CABP5: variants seen among roughly 807,000 people sequenced by gnomAD.
CABP5 encodes calcium binding protein 5.
A neutral mutation model predicts 21.9 loss-of-function variants in CABP5; 17 were observed. That is an observed-to-expected ratio of 0.78 (90% confidence interval 0.53 to 1.17). CABP5 has a LOEUF of 1.17. Ranked by LOEUF, CABP5 falls within the 50% of genes most tolerant of loss-of-function variation. The pLI is 0.00. For missense variants in CABP5, 229 were observed against 228.9 expected (o/e 1.00, Z 0.00); for synonymous variants, 85 against 79.4 (o/e 1.07, Z -0.37).
At position 48,030,577 on chromosome 19, in the gene CABP5, C is replaced by G. The variant is rs1967327915; in HGVS notation, c.502G>C (p.Val168Leu). The G allele has an allele frequency of 6.2e-7, 1 of 1,610,998 alleles. No homozygotes were observed. Among genetic ancestry groups the G allele is most frequent in the African/African-American group, 1.4e-5 (1 of 73,234 alleles). Reference protein sequence around the residue: ...GDGTVDFEEFVKMMSR With the variant: ...GDGTVDFEEFLKMMSR ...CCTCCTCAGCGAGACATCATCTTCACAAACTCTGCAAAGAAAAAAAAAAAT... is the reference window on the plus strand; with the variant it reads ...CCTCCTCAGCGAGACATCATCTTCAGAAACTCTGCAAAGAAAAAAAAAAAT... The change falls in exon 6 of 6, where the codon GTG becomes CTG. Residue 168 changes from valine to leucine, a missense_variant. Coordinates refer to ENST00000293255, the MANE Select transcript of CABP5 (RefSeq NM_019855.5).
At chr19:48,037,357 CTCCCGGGT>C (rs1967424213) in intron 4 of CABP5, among the ~76,000 whole-genome samples, 1 of 141,376 alleles carries the variant, frequency 7.1e-6, no homozygotes, top group South Asian at 2.3e-4. Context: ...CAACCTCTGC[CTCCCGGGT>C]TCAAGCGATT....
intron 2 of CABP5, among the ~76,000 whole-genome samples, 183 bp from the exon 3 acceptor site, chr19:48,040,931 C>G (rs527498871): frequency 1.0e-3 from 159 of 152,194 alleles, no homozygotes; most frequent in African/African-American, 3.7e-3. Context: ...AATCCCAGCA[C>G]TTTGGGAGGT....
intron 4 of CABP5, 81 bp from the exon 5 acceptor site, chr19:48,034,443 T>C: frequency 8.7e-7 from 1 of 1,144,096 alleles, no homozygotes; most frequent in Non-Finnish European, 1.2e-6. Context: ...TATCGCTTAC[T>C]GTGGGTCAAG....
At chr19:48,036,621 T>C (rs1470540513) in intron 4 of CABP5, among the ~76,000 whole-genome samples, 1 of 152,230 alleles carries the variant, frequency 6.6e-6, no homozygotes, top group African/African-American at 2.4e-5. Context: ...TTAATAATAC[T>C]GCATAATGAC....
chr19:48,031,989 A>C (rs780823594), intron 5 of CABP5, among the ~76,000 whole-genome samples: 5 of 151,568 alleles, frequency 3.3e-5, no homozygotes, highest in Non-Finnish European at 5.9e-5. Flanking sequence ...TTGGAAGCTA[A>C]TACAACTCAA....
At chr19:48,035,698 G>T (rs182528140) in intron 4 of CABP5, among the ~76,000 whole-genome samples, 1 of 152,264 alleles carries the variant, frequency 6.6e-6, no homozygotes, top group African/African-American at 2.4e-5. Flanking sequence ...AACAAGTGCC[G>T]TAAGGCAGGA....
At chr19:48,037,149 C>T (rs1339849046) in intron 4 of CABP5, among the ~76,000 whole-genome samples, 1 of 151,490 alleles carries the variant, frequency 6.6e-6, no homozygotes, top group Non-Finnish European at 1.5e-5. Context: ...CTCCCCTGCT[C>T]ATGGCAGCAC....
intron 4 of CABP5, 152 bp from the exon 5 acceptor site, chr19:48,034,514 T>TGTTCTG (rs1967382657): frequency 2.2e-6 from 1 of 456,208 alleles, no homozygotes; most frequent in Non-Finnish European, 3.6e-6. Flanking sequence ...AAGACAGTTT[T>TGTTCTG]GTTCTGTTTT....
chr19:48,030,225 G>A lies in CABP5; in HGVS notation c.*332C>T, dbSNP rs1047755899. 3.1e-5 allele frequency: 9 copies of A among 291,872 alleles called. No homozygotes were observed. Among genetic ancestry groups the A allele is most frequent in the Non-Finnish European group, 5.0e-5 (8 of 158,742 alleles). The allele number at this position is 291,872 out of a possible 1,614,324, so 18.1% of individuals were successfully genotyped here. A position where few individuals can be genotyped will look rare whatever the true frequency, so the allele number is the denominator to read the frequency against. On this transcript the variant is annotated 3_prime_UTR_variant, in exon 6 of 6. Coordinates refer to ENST00000293255, the MANE Select transcript of CABP5 (RefSeq NM_019855.5). ...TCACCCAAGGGGAAGCTGGGGAAGA[G>A]ACTCTGGCAGGTCACAGGGACTTAG...
chr19:48,041,789 C>T lies in CABP5; in HGVS notation c.64-186G>A, dbSNP rs1340289593. ...CTGTTCCACAGTTCTTGGCTCCCCA[C>T]CCCCCTCTCGATGTCTCTCTCCCAC... On this transcript the variant is annotated intron_variant, in intron 1 of 5. Coordinates refer to ENST00000293255, the MANE Select transcript of CABP5 (RefSeq NM_019855.5). Among the ~76,000 whole-genome samples the T allele has an allele frequency of 2.0e-5, 3 of 152,014 alleles. No individual in the cohort carries two copies. The East Asian group carries it at 5.8e-4, about 29-fold the overall frequency.
In CABP5 at chr19:48,039,403, G is replaced by A; in HGVS notation, c.239-86C>T. On this transcript the variant is annotated intron_variant, in intron 3 of 5. Coordinates refer to ENST00000293255, the MANE Select transcript of CABP5 (RefSeq NM_019855.5). ...TTTGTGCTTCGAGTCAGTTAGATCA[G>A]CTCCCTTCTCCCTGCCCTATAAGAG... is the stretch of plus-strand genomic sequence containing the variant. 9.0e-6 allele frequency: 9 copies of A among 1,000,246 alleles called. No individual in the cohort carries two copies. In the South Asian group the frequency reaches 1.2e-4, roughly 13 times the overall value. The allele number at this position is 1,000,246 out of a possible 1,614,324, so 62.0% of individuals were successfully genotyped here.
At chr19:48,041,286 G>A in intron 2 of CABP5, 2 of 468,660 alleles carry the variant, frequency 4.3e-6, no homozygotes, top group Non-Finnish European at 7.5e-6. Context: ...GCGTCCTTCA[G>A]ATTCCTGGAT....
At chr19:48,040,999 G>A (rs78381043) in intron 2 of CABP5, among the ~76,000 whole-genome samples, 14,390 of 141,026 alleles carry the variant, frequency 0.1, 695 homozygotes, top group South Asian at 0.15. Context: ...CAACATGGCA[G>A]AACCCCATCT....
At chr19:48,031,108 T>A (rs980180837) in intron 5 of CABP5, among the ~76,000 whole-genome samples, 28 of 152,200 alleles carry the variant, frequency 1.8e-4, no homozygotes, top group Non-Finnish European at 8.8e-5. Flanking sequence ...GTTTCTTCAT[T>A]TCTGTTATGA....
chr19:48,034,878 A>G (rs765148582), intron 4 of CABP5, among the ~76,000 whole-genome samples: 1 of 151,860 alleles, frequency 6.6e-6, no homozygotes, highest in East Asian at 1.9e-4. Flanking sequence ...GGGTCTCACT[A>G]TTTTGGCCAG....
At chr19:48,040,468 A>T in intron 3 of CABP5, 137 bp downstream of exon 3, 6 of 817,340 alleles carry the variant, frequency 7.3e-6, no homozygotes, top group Non-Finnish European at 1.1e-5. Flanking sequence ...GTCGAATCTG[A>T]CCTGTTTTCT....
chr19:48,034,938 A>G (rs1041582648), intron 4 of CABP5, among the ~76,000 whole-genome samples: 1 of 152,094 alleles, frequency 6.6e-6, no homozygotes, highest in Non-Finnish European at 1.5e-5. Context: ...TTGTCCTTCC[A>G]AAGTGCTAGG....
chr19:48,034,769 C>T (rs1000244378), intron 4 of CABP5, among the ~76,000 whole-genome samples: 3 of 152,034 alleles, frequency 2.0e-5, no homozygotes, highest in Non-Finnish European at 2.9e-5. Flanking sequence ...TGATCTTGAA[C>T]TCCTGACCTC....
rs1490134700 is a variant in CABP5, at chr19:48,029,916, C to T, written c.*641G>A. On this transcript the variant is annotated 3_prime_UTR_variant, in exon 6 of 6. Coordinates refer to ENST00000293255, the MANE Select transcript of CABP5 (RefSeq NM_019855.5). ...CCACTTGCACGAGCCATTTCCAAGC[C>T]CAGCCTCAACAACAACTCTGTTTCC... 6.6e-6 allele frequency: 1 copy of T among 151,762 alleles called. No homozygotes were observed. The highest frequency in any genetic ancestry group is 1.5e-5 in the Non-Finnish European group (1 of 67,986). The allele number at this position is 151,762 out of a possible 1,614,324, so 9.4% of individuals were successfully genotyped here.
Sources: allele counts gnomAD v4.1 joint callset (sites outside exome capture counted in the v4.1 genomes callset), GRCh38; gene constraint gnomAD v4.1.1; transcripts MANE v1.5; gene names NCBI Gene and HGNC (gene_info 2026-07-23, HGNC 2026-07-21).